Variants in PHF24 observed in about 807,000 individuals in gnomAD.
PHF24 encodes PHD finger protein 24, also known as Galpha inhibitory interacting protein.
In PHF24, 25 loss-of-function variants were observed where a neutral mutation model predicts 42.6. That is an observed-to-expected ratio of 0.59 (90% CI 0.43 to 0.82). The LOEUF (loss-of-function observed/expected upper bound fraction) is 0.82. PHF24 is among the 40% of genes least tolerant of loss of function. The pLI is 0.00. For synonymous variants in PHF24, 185 were observed against 204.8 expected, an observed-to-expected ratio of 0.90 and a Z score of 0.83; for missense variants, 470 against 538.1, an observed-to-expected ratio of 0.87 and a Z score of 1.25.
chr9:34,976,481 G>A (rs984397794), intron 4 of PHF24, 54 bp from the exon 5 acceptor site: 3 of 1,562,182 alleles, frequency 1.9e-6, no homozygotes, highest in Admixed American at 1.7e-5. Context: ...GGTGATGGAG[G>A]TGCCCTGAGG....
the PHF24 span, among the ~76,000 whole-genome samples, chr9:34,895,292 G>A: frequency 1.3e-5 from 2 of 152,078 alleles, no homozygotes; most frequent in African/African-American, 4.8e-5. Context: ...CATACTCCAT[G>A]CCTCCCACCC....
At chr9:34,765,360 C>A in the PHF24 span, among the ~76,000 whole-genome samples, 2 of 149,376 alleles carry the variant, frequency 1.3e-5, no homozygotes, top group Non-Finnish European at 1.5e-5. Flanking sequence ...TCACTCAGGA[C>A]TTGCTTTATG....
the PHF24 span, among the ~76,000 whole-genome samples, chr9:34,769,574 A>G: frequency 2.6e-5 from 4 of 152,348 alleles, no homozygotes; most frequent in African/African-American, 9.6e-5. Context: ...AGCTGATTCT[A>G]AATTTATGGT....
the PHF24 span, among the ~76,000 whole-genome samples, chr9:34,891,319 C>T: frequency 2.6e-5 from 4 of 152,298 alleles, no homozygotes; most frequent in East Asian, 1.9e-4. Flanking sequence ...ACTGCAGAAC[C>T]AGTGATTTGT....
chr9:34,848,568 T>G, the PHF24 span, among the ~76,000 whole-genome samples: 1 of 152,048 alleles, frequency 6.6e-6, no homozygotes, highest in African/African-American at 2.4e-5. Flanking sequence ...GATTCATTAA[T>G]TTTTTGAAGG....
chr9:34,723,585 G>T, the PHF24 span: 1 of 1,551,762 alleles, frequency 6.4e-7, no homozygotes, highest in African/African-American at 1.4e-5. Flanking sequence ...ATATGCTGCA[G>T]AAAACATTTA....
chr9:34,813,092 G>A, the PHF24 span, among the ~76,000 whole-genome samples: 5 of 152,184 alleles, frequency 3.3e-5, no homozygotes, highest in African/African-American at 1.2e-4. Flanking sequence ...CCTGCCTAGG[G>A]CTTCAGATTC....
At chr9:34,886,029 T>C in the PHF24 span, among the ~76,000 whole-genome samples, 1 of 151,912 alleles carries the variant, frequency 6.6e-6, no homozygotes, top group Non-Finnish European at 1.5e-5. Flanking sequence ...TCTTTCTTCT[T>C]CTAATCCATT....
chr9:34,733,503 C>CT, the PHF24 span, among the ~76,000 whole-genome samples: 334 of 140,250 alleles, frequency 2.4e-3, 1 homozygote, highest in African/African-American at 5.5e-3. Flanking sequence ...TTCTGTGGGT[C>CT]TTTTTTTTTT....
the PHF24 span, among the ~76,000 whole-genome samples, chr9:34,926,170 G>T: frequency 6.6e-6 from 1 of 152,258 alleles, no homozygotes; most frequent in Non-Finnish European, 1.5e-5. This position sits in a 1 kb window ranked among gnomAD's most constrained non-coding sequence, Gnocchi z 4.3. Flanking sequence ...CAGGTCAGAG[G>T]CATGTGTGTG....
the PHF24 span, among the ~76,000 whole-genome samples, chr9:34,881,426 GT>G: frequency 2.0e-5 from 3 of 152,040 alleles, no homozygotes; most frequent in Non-Finnish European, 2.9e-5. Context: ...CCAGGAGCTG[GT>G]TTTTTGAAAA....
the PHF24 span, among the ~76,000 whole-genome samples, chr9:34,710,690 T>C: frequency 6.6e-6 from 1 of 152,002 alleles, no homozygotes; most frequent in African/African-American, 2.4e-5. Context: ...CCCAGGCTAG[T>C]CTTGAGCTCC....
chr9:34,898,396 G>A, the PHF24 span, among the ~76,000 whole-genome samples: 37 of 152,044 alleles, frequency 2.4e-4, no homozygotes, highest in Middle Eastern at 0.01. Context: ...ATCACATTGC[G>A]GTTTTGATTT....
the PHF24 span, among the ~76,000 whole-genome samples, chr9:34,749,216 A>C: frequency 6.6e-6 from 1 of 152,148 alleles, no homozygotes; most frequent in Non-Finnish European, 1.5e-5. Flanking sequence ...CAAGATCTAG[A>C]AAATACCCTC....
At chr9:34,905,024 C>T in the PHF24 span, among the ~76,000 whole-genome samples, 7 of 151,902 alleles carry the variant, frequency 4.6e-5, no homozygotes, top group Non-Finnish European at 8.8e-5. Context: ...AGGCCAGGTT[C>T]GTTGGAGTTA....
At chr9:34,824,485 A>G in the PHF24 span, among the ~76,000 whole-genome samples, 1 of 152,108 alleles carries the variant, frequency 6.6e-6, no homozygotes, top group East Asian at 1.9e-4. Flanking sequence ...TCCAGTTTGG[A>G]GTGAGGTAGT....
At chr9:34,954,490 A>G (rs939780171), upstream of PHF24, among the ~76,000 whole-genome samples, 3 of 152,198 alleles carry the variant, frequency 2.0e-5, no homozygotes, top group Non-Finnish European at 4.4e-5. Flanking sequence ...AGTGGCCCCA[A>G]GAGATGTGTA....
At chr9:34,847,078 T>C in the PHF24 span, among the ~76,000 whole-genome samples, 5,091 of 152,308 alleles carry the variant, frequency 0.033, 140 homozygotes, top group Non-Finnish European at 0.054. Flanking sequence ...GACTTGGTGA[T>C]GTGGGCTCTT....
chr9:34,905,619 C>T, the PHF24 span, among the ~76,000 whole-genome samples: 40 of 152,250 alleles, frequency 2.6e-4, 1 homozygote, highest in South Asian at 8.3e-3. Context: ...GGGAAAGCTT[C>T]ATGTAGAAGA....
Sources: gnomAD v4.1 joint callset for allele counts (sites outside exome capture counted in the v4.1 genomes callset) on GRCh38, gnomAD v4.1.1 for gene constraint, Gnocchi (gnomAD v3.1) non-coding constraint, MANE v1.5 for transcripts, NCBI Gene and HGNC (gene_info 2026-07-23, HGNC 2026-07-21) for gene names.